Variants in LMNTD1 observed in about 807,000 individuals in gnomAD.
LMNTD1 encodes lamin tail domain-containing protein 1.
Under a neutral mutation model 50.9 loss-of-function variants are expected in LMNTD1, and 35 were observed. The observed-to-expected ratio is 0.69, with a 90% CI of 0.53 to 0.91. The LOEUF (loss-of-function observed/expected upper bound fraction) is 0.91, where lower values mean the gene tolerates loss of function less well. LMNTD1 is among the 40% of genes least tolerant of loss of function. The probability of loss-of-function intolerance (pLI) is 0.00; values close to 1 mark genes in which losing one functional copy is unlikely to be tolerated. For synonymous variants in LMNTD1, 153 were observed against 161.9 expected, an observed-to-expected ratio of 0.94 and a Z score of 0.42; for missense variants, 470 against 475.5, an observed-to-expected ratio of 0.99 and a Z score of 0.11.
chr12:25,481,224 T>A (rs1267358091), intron 9 of LMNTD1, among the ~76,000 whole-genome samples: 2 of 152,020 alleles, frequency 1.3e-5, no homozygotes, highest in Non-Finnish European at 2.9e-5. Flanking sequence ...CCTTCAGCAG[T>A]TCCTTATCAT....
At chr12:25,516,423 C>G (rs1705412) in intron 8 of LMNTD1, among the ~76,000 whole-genome samples, 97,350 of 151,654 alleles carry the variant, frequency 0.64, 33,573 homozygotes, top group Non-Finnish European at 0.78. Context: ...AATCAAATTT[C>G]TCTGGAAAAT....
chr12:25,588,602 A>T (rs1251115943), intron 1 of LMNTD1, among the ~76,000 whole-genome samples: 1 of 152,198 alleles, frequency 6.6e-6, no homozygotes, highest in Non-Finnish European at 1.5e-5. Context: ...TCAAAAAAAA[A>T]TCAAGGTAAT....
intron 9 of LMNTD1, among the ~76,000 whole-genome samples, chr12:25,487,993 G>T (rs1321538410): frequency 2.8e-5 from 4 of 143,122 alleles, no homozygotes; most frequent in Middle Eastern, 7.4e-3. Flanking sequence ...GGTTTCTGCC[G>T]AGAGATCCAC....
chr12:25,577,285 T>C (rs1183199831), intron 1 of LMNTD1, among the ~76,000 whole-genome samples: 2 of 152,226 alleles, frequency 1.3e-5, no homozygotes, highest in East Asian at 1.9e-4. Context: ...CCTTGGGCAG[T>C]ATGGCCATTT....
chr12:25,483,839 C>A (rs1450117103), intron 9 of LMNTD1, among the ~76,000 whole-genome samples: 1 of 151,094 alleles, frequency 6.6e-6, no homozygotes, highest in African/African-American at 2.4e-5. Flanking sequence ...TAACCCCAAA[C>A]AATCTATGAA....
chr12:25,495,463 C>T (rs1441260608), intron 9 of LMNTD1, among the ~76,000 whole-genome samples: 2 of 151,962 alleles, frequency 1.3e-5, no homozygotes, highest in Non-Finnish European at 2.9e-5. Context: ...ACAATTCCTG[C>T]AAGATATTTA....
intron 4 of LMNTD1, among the ~76,000 whole-genome samples, chr12:25,528,393 A>G (rs1194277065): frequency 6.6e-6 from 1 of 152,150 alleles, no homozygotes; most frequent in African/African-American, 2.4e-5. Context: ...GGTTTGACCT[A>G]ACCATTCAGG....
At chr12:25,603,111 T>C (rs187686153) in intron 1 of LMNTD1, among the ~76,000 whole-genome samples, 20 of 152,208 alleles carry the variant, frequency 1.3e-4, no homozygotes, top group South Asian at 2.1e-4. Flanking sequence ...ATTCATTGCT[T>C]ACCTCATTGA....
At chr12:25,627,195 A>G (rs556525655) in intron 1 of LMNTD1, among the ~76,000 whole-genome samples, 67 of 152,248 alleles carry the variant, frequency 4.4e-4, no homozygotes, top group African/African-American at 1.5e-3. Context: ...CTCTGTAACT[A>G]TTGTTTATAA....
intron 4 of LMNTD1, among the ~76,000 whole-genome samples, chr12:25,530,460 T>A (rs1019766722): frequency 4.6e-5 from 7 of 152,208 alleles, no homozygotes; most frequent in African/African-American, 1.7e-4. Context: ...TATGTATATA[T>A]GTGTGTGAGA....
At chr12:25,581,356 G>A (rs919620904) in intron 1 of LMNTD1, among the ~76,000 whole-genome samples, 3 of 152,134 alleles carry the variant, frequency 2.0e-5, no homozygotes, top group Non-Finnish European at 4.4e-5. Flanking sequence ...AAAATGTGAG[G>A]AGCAACAAGG....
intron 9 of LMNTD1, among the ~76,000 whole-genome samples, chr12:25,489,544 A>G (rs1399403007): frequency 7.1e-6 from 1 of 140,692 alleles, no homozygotes; most frequent in Non-Finnish European, 1.6e-5. Context: ...CCCTAGTGAG[A>G]TGAACCTGGT....
intron 6 of LMNTD1, among the ~76,000 whole-genome samples, chr12:25,520,622 T>C (rs551521089): frequency 3.9e-5 from 6 of 152,346 alleles, no homozygotes; most frequent in Non-Finnish European, 7.3e-5. Flanking sequence ...CTTAGGTTGT[T>C]TCCATATCTT....
At position 25,612,193 on chromosome 12, in the gene LMNTD1, C is replaced by T. The variant is rs10505963; in HGVS notation, c.58+36301G>A. 2.0e-5 allele frequency among the ~76,000 whole-genome samples: 3 copies of T among 151,972 alleles called. No individual in the cohort carries two copies. The East Asian group carries it at 5.8e-4, about 29-fold the overall frequency. On this transcript the variant is annotated intron_variant, in intron 1 of 7. Transcript: ENST00000445693. ...GCAAAATTAAATTTTTTTAGATTAACTCAAATGCTTCTTGTTAAAACAAAT... is the reference window on the plus strand; with the variant it reads ...GCAAAATTAAATTTTTTTAGATTAATTCAAATGCTTCTTGTTAAAACAAAT...
chr12:25,569,028 G>C (rs542994614), intron 1 of LMNTD1, among the ~76,000 whole-genome samples: 1 of 152,350 alleles, frequency 6.6e-6, no homozygotes, highest in Non-Finnish European at 1.5e-5. Flanking sequence ...TGTGGGAAGG[G>C]GGCTGATGCC....
chr12:25,605,353 C>T (rs923195182), intron 1 of LMNTD1, among the ~76,000 whole-genome samples: 2 of 152,150 alleles, frequency 1.3e-5, no homozygotes, highest in Admixed American at 1.3e-4. Context: ...TTAATTAGAT[C>T]CCATTTGTCA....
At chr12:25,502,658 C>T (rs1032698895) in intron 9 of LMNTD1, among the ~76,000 whole-genome samples, 3 of 152,172 alleles carry the variant, frequency 2.0e-5, no homozygotes, top group Non-Finnish European at 2.9e-5. Context: ...GTCCCAATGT[C>T]CTAGAAATGT....
intron 4 of LMNTD1, among the ~76,000 whole-genome samples, chr12:25,534,046 C>A (rs774431983): frequency 1.9e-4 from 29 of 152,172 alleles, no homozygotes; most frequent in Non-Finnish European, 3.4e-4. Context: ...CCTGAGACAT[C>A]TAGAACTAAA....
At chr12:25,489,464 C>T (rs1938806205) in intron 9 of LMNTD1, among the ~76,000 whole-genome samples, 1 of 148,606 alleles carries the variant, frequency 6.7e-6, no homozygotes, top group African/African-American at 2.5e-5. Flanking sequence ...CCAGGTGAGG[C>T]AATGCCTCGC....
Sources: gnomAD v4.1 joint callset for allele counts (sites outside exome capture counted in the v4.1 genomes callset) on GRCh38, gnomAD v4.1.1 for gene constraint, MANE v1.5 for transcripts, NCBI Gene and HGNC (gene_info 2026-07-23, HGNC 2026-07-21) for gene names.